Variants in UNC79 observed in about 807,000 individuals in gnomAD.
UNC79 encodes protein unc-79 homolog.
A neutral mutation model predicts 283.1 loss-of-function variants in UNC79; 37 were observed. That is an observed-to-expected ratio of 0.13 (90% CI 0.10 to 0.17). The LOEUF (loss-of-function observed/expected upper bound fraction) is 0.17. Ranked by LOEUF, UNC79 falls within the 10% of genes least tolerant of loss-of-function variation. The probability of loss-of-function intolerance (pLI) is 1.00; values close to 1 mark genes in which losing one functional copy is unlikely to be tolerated. For missense variants in UNC79, 2,272 were observed against 3,211.1 expected, an observed-to-expected ratio of 0.71 and a Z score of 7.07; for synonymous variants, 1,107 against 1,200.2, an observed-to-expected ratio of 0.92 and a Z score of 1.61.
At chr14:93,693,287 A>G (rs1259268621) in intron 46 of UNC79, among the ~76,000 whole-genome samples, 1 of 152,228 alleles carries the variant, frequency 6.6e-6, no homozygotes, top group Admixed American at 6.5e-5. Context: ...GAGATCAAAC[A>G]TTCTATTCTG....
intron 1 of UNC79, chr14:93,467,027 A>T: frequency 1.8e-6 from 1 of 553,810 alleles, no homozygotes; most frequent in Middle Eastern, 9.2e-4. Context: ...AAAATGTGAC[A>T]TTTATTTTTT....
chr14:93,523,856 C>A, intron 7 of UNC79, 122 bp from the exon 8 acceptor site: 1 of 978,958 alleles, frequency 1.0e-6, no homozygotes, highest in Non-Finnish European at 1.5e-6. Flanking sequence ...AAAGATGATT[C>A]TGTTAGAAAG....
At chr14:93,654,601 T>A (rs1262032515) in intron 37 of UNC79, among the ~76,000 whole-genome samples, 4 of 151,784 alleles carry the variant, frequency 2.6e-5, no homozygotes, top group African/African-American at 9.7e-5. Context: ...ATAATTTAAA[T>A]TTTAAAAATT....
intron 14 of UNC79, among the ~76,000 whole-genome samples, chr14:93,556,407 A>G (rs2062175760): frequency 6.6e-6 from 1 of 152,234 alleles, no homozygotes; most frequent in Admixed American, 6.5e-5. Flanking sequence ...AAGTAATGCA[A>G]AATAATTTCT....
intron 1 of UNC79, among the ~76,000 whole-genome samples, chr14:93,395,953 A>G (rs2054986825): frequency 6.6e-6 from 1 of 152,074 alleles, no homozygotes; most frequent in South Asian, 2.1e-4. Flanking sequence ...TTATTGGCAA[A>G]TATTTCTTCA....
intron 46 of UNC79, among the ~76,000 whole-genome samples, chr14:93,693,743 A>G (rs2074881709): frequency 6.6e-6 from 1 of 152,256 alleles, no homozygotes. Flanking sequence ...ACTGGGGAAC[A>G]TTGATGTGAA....
At chr14:93,344,652 G>GT (rs1393654062) in intron 1 of UNC79, among the ~76,000 whole-genome samples, 2 of 152,218 alleles carry the variant, frequency 1.3e-5, no homozygotes, top group Non-Finnish European at 2.9e-5. Context: ...GTCAAGTAGT[G>GT]TAACAACTGT....
At position 93,630,909 on chromosome 14, in the gene UNC79, G is replaced by A; in HGVS notation, c.5716+1G>A. 1 of 1,612,240 alleles carries A rather than the reference G, an allele frequency of 6.2e-7. No homozygotes were observed. Among genetic ancestry groups the A allele is most frequent in the Non-Finnish European group, 8.5e-7 (1 of 1,178,308 alleles). ...ACAAGTAGCCATTCCTCAATATCAA[G>A]TAAGATTTCCTCTGCTGATTATTTC... On this transcript the variant is annotated splice_donor_variant, in intron 31 of 48. Coordinates refer to ENST00000555664, the Ensembl canonical transcript of UNC79. LOFTEE classifies it high-confidence loss of function.
chr14:93,606,507 G>C (rs1328678171), intron 26 of UNC79, among the ~76,000 whole-genome samples: 1 of 152,174 alleles, frequency 6.6e-6, no homozygotes, highest in East Asian at 1.9e-4. Context: ...CAGATTTATC[G>C]TAAGATTGTG....
chr14:93,346,914 G>A (rs2053846369), intron 1 of UNC79, among the ~76,000 whole-genome samples: 1 of 152,014 alleles, frequency 6.6e-6, no homozygotes, highest in South Asian at 2.1e-4. Flanking sequence ...AGGGAGCCCT[G>A]AGTGGAAAAG....
intron 7 of UNC79, among the ~76,000 whole-genome samples, chr14:93,510,175 T>C (rs775603199): frequency 6.6e-6 from 1 of 152,214 alleles, no homozygotes; most frequent in Non-Finnish European, 1.5e-5. Flanking sequence ...GTCCTGAGGT[T>C]GTGCAGGGCA....
chr14:93,587,023 C>T (rs1328119027), intron 22 of UNC79, 115 bp downstream of exon 22: 7 of 1,250,376 alleles, frequency 5.6e-6, no homozygotes, highest in Non-Finnish European at 7.6e-6. Context: ...GCCAGGACAG[C>T]TCGATTGCCT....
chr14:93,449,593 G>A (rs1262795713), intron 1 of UNC79, among the ~76,000 whole-genome samples: 1 of 151,296 alleles, frequency 6.6e-6, no homozygotes, highest in Non-Finnish European at 1.5e-5. Context: ...GCTCCAGCCT[G>A]GGCAACAGAG....
chr14:93,403,891 A>G (rs2055161937), intron 1 of UNC79, among the ~76,000 whole-genome samples: 1 of 147,542 alleles, frequency 6.8e-6, no homozygotes, highest in Non-Finnish European at 1.5e-5. Context: ...TTTTTTTGAG[A>G]TGGAGTGAGC....
At chr14:93,674,641 A>G (rs2073172857) in intron 41 of UNC79, among the ~76,000 whole-genome samples, 1 of 152,218 alleles carries the variant, frequency 6.6e-6, no homozygotes, top group African/African-American at 2.4e-5. Flanking sequence ...TAAATGATTG[A>G]AGGAATATGG....
chr14:93,511,845 T>C (rs1419751295), intron 7 of UNC79, among the ~76,000 whole-genome samples: 1 of 152,236 alleles, frequency 6.6e-6, no homozygotes, highest in Admixed American at 6.5e-5. Flanking sequence ...TGTTTTCTGC[T>C]TTTATCTTTA....
intron 1 of UNC79, among the ~76,000 whole-genome samples, chr14:93,362,987 A>G (rs1595389542): frequency 6.6e-6 from 1 of 151,672 alleles, no homozygotes; most frequent in East Asian, 1.9e-4. Flanking sequence ...CTCTAATATG[A>G]TTATTTTCTT....
chr14:93,477,300 TG>T (rs1280417762), intron 3 of UNC79, among the ~76,000 whole-genome samples: 4 of 152,224 alleles, frequency 2.6e-5, no homozygotes, highest in Non-Finnish European at 5.9e-5. Flanking sequence ...CAAGTATTAT[TG>T]AAGATTGAGA....
chr14:93,343,756 G>A (rs1283046866), intron 1 of UNC79, among the ~76,000 whole-genome samples: 2 of 150,754 alleles, frequency 1.3e-5, no homozygotes, highest in Non-Finnish European at 2.9e-5. Context: ...GTAAGTGGGC[G>A]AGGGTGTCTT....
Sources: allele counts gnomAD v4.1 joint callset (sites outside exome capture counted in the v4.1 genomes callset), GRCh38; gene constraint gnomAD v4.1.1; transcripts MANE v1.5; gene names NCBI Gene and HGNC (gene_info 2026-07-23, HGNC 2026-07-21).